Variants in PGPEP1L observed in about 807,000 individuals in gnomAD.
PGPEP1L encodes pyroglutamyl-peptidase 1-like protein.
A neutral mutation model predicts 6.0 loss-of-function variants in PGPEP1L; 7 were observed. The ratio of observed to expected loss-of-function variants is 1.17; its 90% confidence interval spans 0.66 to 2.19. The LOEUF is 2.19. Ranked by LOEUF, PGPEP1L falls within the 30% of genes most tolerant of loss-of-function variation. The pLI is 0.00. For missense variants in PGPEP1L, 209 were observed against 192.5 expected (o/e 1.09, Z -0.51); for synonymous variants, 103 against 83.9 (o/e 1.23, Z -1.24).
chr15:99,003,034 T>C (rs2151767314), intron 2 of PGPEP1L, among the ~76,000 whole-genome samples: 1 of 152,060 alleles, frequency 6.6e-6, no homozygotes, highest in Admixed American at 6.6e-5. Context: ...CAGGGTTGGC[T>C]CATGAGGAAG....
intron 2 of PGPEP1L, among the ~76,000 whole-genome samples, chr15:98,981,470 A>G (rs1029980141): frequency 1.0e-4 from 15 of 150,010 alleles, no homozygotes; most frequent in Non-Finnish European, 1.6e-4. Context: ...AGCCTGGGCA[A>G]CAGAGCAAGA....
intron 2 of PGPEP1L, among the ~76,000 whole-genome samples, chr15:99,002,484 T>C (rs2151767051): frequency 6.9e-6 from 1 of 145,378 alleles, no homozygotes; most frequent in African/African-American, 2.6e-5. Context: ...CTAGCTGAAA[T>C]TACACACACA....
intron 3 of PGPEP1L, 33 bp from the exon 4 acceptor site, chr15:98,969,684 G>C (rs766942005): frequency 1.9e-6 from 3 of 1,598,034 alleles, no homozygotes; most frequent in South Asian, 1.1e-5. Flanking sequence ...AGAGAACCCA[G>C]GAAAACGAGG....
At chr15:98,972,021 T>G (rs1275339275) in intron 2 of PGPEP1L, among the ~76,000 whole-genome samples, 1 of 152,180 alleles carries the variant, frequency 6.6e-6, no homozygotes, top group Non-Finnish European at 1.5e-5. Context: ...AGCCTCATGG[T>G]AATCACAAAA....
At chr15:98,992,204 C>T (rs558641926) in intron 2 of PGPEP1L, among the ~76,000 whole-genome samples, 3 of 152,300 alleles carry the variant, frequency 2.0e-5, no homozygotes, top group Non-Finnish European at 2.9e-5. Context: ...AAAACCCCAT[C>T]GTCTCAGCCC....
In PGPEP1L at chr15:98,971,042, C is replaced by G. The variant is rs532671098; in HGVS notation, c.-25G>C. Reference sequence around the variant, plus strand: ...GCCTCTGGCCATCACTTACTTGCGGCTGATGATCTTCCCAGATTCCGGTGA... The same window carrying G: ...GCCTCTGGCCATCACTTACTTGCGGGTGATGATCTTCCCAGATTCCGGTGA... On this transcript the variant is annotated 5_prime_UTR_variant, in exon 3 of 5. Transcript: ENST00000535714. The G allele has an allele frequency of 1.2e-5, 20 of 1,613,778 alleles. No homozygotes were observed. In the East Asian group the frequency reaches 4.2e-4, roughly 34 times the overall value.
intron 2 of PGPEP1L, among the ~76,000 whole-genome samples, chr15:98,988,109 C>A (rs764912065): frequency 2.7e-4 from 41 of 152,130 alleles, no homozygotes; most frequent in Non-Finnish European, 4.6e-4. Flanking sequence ...TTTTTCATAC[C>A]CCAGTGGCAC....
chr15:98,985,945 G>C (rs2017740920), intron 2 of PGPEP1L, among the ~76,000 whole-genome samples: 1 of 152,200 alleles, frequency 6.6e-6, no homozygotes, highest in South Asian at 2.1e-4. Flanking sequence ...AACTTTGCTT[G>C]AGCTTCCTCA....
chr15:99,007,301 T>C (rs1317501300), intron 1 of PGPEP1L, 58 bp downstream of exon 1: 2 of 152,308 alleles, frequency 1.3e-5, no homozygotes, highest in African/African-American at 4.8e-5. Context: ...CCGGATGCAC[T>C]TGTAGACTTG....
At chr15:98,989,739 G>A (rs550821173) in intron 2 of PGPEP1L, among the ~76,000 whole-genome samples, 7 of 152,232 alleles carry the variant, frequency 4.6e-5, no homozygotes, top group East Asian at 3.9e-4. Context: ...GAGAAAGGTC[G>A]GGTTACCCAC....
intron 2 of PGPEP1L, among the ~76,000 whole-genome samples, chr15:98,996,383 C>A (rs951586441): frequency 2.5e-4 from 38 of 152,178 alleles, no homozygotes; most frequent in African/African-American, 8.4e-4. Flanking sequence ...TCTCCACCCC[C>A]CTTGCTGCTC....
At chr15:98,980,252 A>G (rs2017638790) in intron 2 of PGPEP1L, among the ~76,000 whole-genome samples, 1 of 152,236 alleles carries the variant, frequency 6.6e-6, no homozygotes, top group Admixed American at 6.5e-5. Flanking sequence ...CACAGCCATA[A>G]AAACAAAGTG....
chr15:99,007,757 C>T lies in PGPEP1L; in HGVS notation c.-768G>A, dbSNP rs1317799492. On this transcript the variant is annotated 5_prime_UTR_variant, in exon 1 of 5. Coordinates refer to ENST00000535714, the MANE Select transcript of PGPEP1L (RefSeq NM_001167902.2). ...ATTGCAAACAAGCAAAACAACAAAA[C>T]TTCCACAGCACAGAAGGCGACTCCA... The T allele has an allele frequency of 1.3e-5, 2 of 152,262 alleles. No homozygotes were observed. Among genetic ancestry groups the T allele is most frequent in the East Asian group, 1.9e-4 (1 of 5,198 alleles). 9.4% of individuals were successfully genotyped at this position (152,262 alleles called of 1,614,324 possible).
intron 2 of PGPEP1L, among the ~76,000 whole-genome samples, chr15:98,996,237 T>C (rs1054735120): frequency 2.6e-5 from 4 of 152,228 alleles, no homozygotes; most frequent in Non-Finnish European, 2.9e-5. Context: ...TAATTGGAAA[T>C]TGACATTTAG....
Position 98,968,536 on chromosome 15 carries a change from T to C in PGPEP1L, c.371A>G (p.Lys124Arg), listed in dbSNP as rs142522740. Reference protein sequence around the residue: ...QEMLEEVGKPKHRAQFEENST... With the variant: ...QEMLEEVGKPRHRAQFEENST... ...GTTTTCTTCGAACTGGGCTCTGTGC[T>C]TGGGCTTTCCCACCTCTTCCAGCAT... Residue 124 changes from lysine (K) to arginine (R), a missense_variant, in exon 5 of 5, where the codon AAG becomes AGG. Coordinates refer to ENST00000535714, the MANE Select transcript of PGPEP1L (RefSeq NM_001167902.2). 2.2e-3 allele frequency: 3,485 copies of C among 1,613,262 alleles called. 6 individuals carry two copies. Among genetic ancestry groups the C allele is most frequent in the Admixed American group, 2.8e-3 (168 of 59,924 alleles).
chr15:98,969,812 CTAAT>C (rs1182172462), intron 3 of PGPEP1L, among the ~76,000 whole-genome samples, 161 bp from the exon 4 acceptor site: 2 of 152,186 alleles, frequency 1.3e-5, no homozygotes, highest in African/African-American at 2.4e-5. Flanking sequence ...CCAGTGTCTC[CTAAT>C]TAATATGGCT....
intron 2 of PGPEP1L, among the ~76,000 whole-genome samples, chr15:98,990,028 T>C (rs545387656): frequency 5.3e-5 from 8 of 152,252 alleles, no homozygotes; most frequent in Non-Finnish European, 1.0e-4. Context: ...TGCGAAACCA[T>C]ACCAAATTGT....
intron 2 of PGPEP1L, among the ~76,000 whole-genome samples, chr15:98,977,231 T>G: frequency 6.6e-6 from 1 of 152,220 alleles, no homozygotes; most frequent in East Asian, 1.9e-4. Flanking sequence ...TTTCTGCTAC[T>G]TCATTGATTT....
At chr15:98,980,886 C>T (rs2017648718) in intron 2 of PGPEP1L, among the ~76,000 whole-genome samples, 1 of 151,462 alleles carries the variant, frequency 6.6e-6, no homozygotes, top group African/African-American at 2.4e-5. Context: ...GAGCCAAGAT[C>T]ACCCCCACTG....
Sources: allele counts gnomAD v4.1 joint callset (sites outside exome capture counted in the v4.1 genomes callset), GRCh38; gene constraint gnomAD v4.1.1; transcripts MANE v1.5; gene names NCBI Gene and HGNC (gene_info 2026-07-23, HGNC 2026-07-21).